The following CHFR variants were observed in gnomAD, a reference collection of about 807,000 sequenced individuals.
CHFR encodes E3 ubiquitin-protein ligase CHFR.
In CHFR, 57 loss-of-function variants were observed where a neutral mutation model predicts 87.6. The ratio of observed to expected loss-of-function variants is 0.65; its 90% CI spans 0.53 to 0.81. The LOEUF (loss-of-function observed/expected upper bound fraction) is 0.81, where lower values mean the gene tolerates loss of function less well. Among genes scored for constraint, CHFR ranks in the 30% least tolerant of loss-of-function variants. The probability of loss-of-function intolerance (pLI) is 0.00; values close to 1 mark genes in which losing one functional copy is unlikely to be tolerated. For missense variants in CHFR, 797 were observed against 865.8 expected, an observed-to-expected ratio of 0.92 and a Z score of 1.00; for synonymous variants, 381 against 359.2, an observed-to-expected ratio of 1.06 and a Z score of -0.69.
intron 2 of CHFR, 29 bp downstream of exon 2, chr12:132,887,167 G>T: frequency 6.9e-7 from 1 of 1,454,246 alleles, no homozygotes; most frequent in South Asian, 1.3e-5. Flanking sequence ...GCCCGGCCCC[G>T]GCCCCCGGCC....
Position 132,834,764 on chromosome 12 carries a change from G to C in CHFR, c.*6790C>G, listed in dbSNP as rs531654166. 6.6e-6 allele frequency: 1 copy of C among 150,980 alleles called. No homozygotes were observed. The highest frequency in any genetic ancestry group is 6.6e-5 in the Admixed American group (1 of 15,184). 9.4% of individuals were successfully genotyped at this position (150,980 alleles called of 1,614,324 possible). A position where few individuals can be genotyped will look rare whatever the true frequency, so the allele number is the denominator to read the frequency against. Reference sequence around the variant, plus strand: ...AGAGTCTCGCTCTGTCGCCCAGGCGGGAGTGCAGTGGTGCGATCTCGGTTC... The same window carrying C: ...AGAGTCTCGCTCTGTCGCCCAGGCGCGAGTGCAGTGGTGCGATCTCGGTTC... On this transcript the variant is annotated 3_prime_UTR_variant, in exon 18 of 18. Transcript: ENST00000450056.
rs993139881 is a variant in CHFR, at chr12:132,834,575, G to T, written c.*6979C>A. 1 of 152,266 alleles carries T rather than the reference G, an allele frequency of 6.6e-6. No homozygotes were observed. The highest frequency in any genetic ancestry group is 1.5e-5 in the Non-Finnish European group (1 of 68,108). 9.4% of individuals were successfully genotyped at this position (152,266 alleles called of 1,614,324 possible). A position where few individuals can be genotyped will look rare whatever the true frequency, so the allele number is the denominator to read the frequency against. The stretch of plus-strand genomic sequence containing the variant: ...TGGTTCCTTCTGGTGGCCCTGCAGG[G>T]AGATCTGTTTTCTTTTCTGCTTCGA... On this transcript the variant is annotated 3_prime_UTR_variant, in exon 18 of 18. Transcript: ENST00000450056.
intron 3 of CHFR, among the ~76,000 whole-genome samples, chr12:132,874,759 T>C (rs1238103034): frequency 1.5e-4 from 21 of 136,642 alleles, no homozygotes; most frequent in African/African-American, 2.8e-4. Flanking sequence ...AGCCAGGCCC[T>C]GGAACAGGCG....
chr12:132,852,069 C>T (rs529991788), intron 11 of CHFR, among the ~76,000 whole-genome samples: 3 of 151,966 alleles, frequency 2.0e-5, no homozygotes, highest in Admixed American at 1.3e-4. Flanking sequence ...CTGCAAGCTC[C>T]GCCTCCCGGG....
intron 12 of CHFR, chr12:132,849,490 C>G (rs1466925361): frequency 6.6e-6 from 1 of 152,270 alleles, no homozygotes; most frequent in Non-Finnish European, 1.5e-5. Context: ...GTGAGAGACA[C>G]AAAAGAAAGA....
intron 2 of CHFR, among the ~76,000 whole-genome samples, chr12:132,879,129 T>A (rs1951707567): frequency 2.0e-5 from 3 of 149,888 alleles, no homozygotes; most frequent in African/African-American, 7.4e-5. Context: ...CTCAGCCTCC[T>A]GAGCAGCTGG....
chr12:132,853,384 C>A (rs865808693), intron 11 of CHFR, 47 bp downstream of exon 11: 2 of 1,451,016 alleles, frequency 1.4e-6, no homozygotes, highest in African/African-American at 1.5e-5. Flanking sequence ...GGCACAGCCA[C>A]AAAGTGACTC....
At position 132,878,448 on chromosome 12, in the gene CHFR, G is replaced by A. The variant is rs555446789; in HGVS notation, c.134-794C>T. The stretch of plus-strand genomic sequence containing the variant: ...CGCGCCACTGCACTCCAGCCTTGGC[G>A]ACAGAGCTAGACTCCAACTGGAAAT... On this transcript the variant is annotated intron_variant, in intron 2 of 17. Transcript: ENST00000450056. 5.3e-5 allele frequency among the ~76,000 whole-genome samples: 8 copies of A among 150,576 alleles called. No individual in the cohort carries two copies. In the South Asian group the frequency reaches 1.3e-3, roughly 24 times the overall value.
At chr12:132,878,752 G>A (rs1472609041) in intron 2 of CHFR, among the ~76,000 whole-genome samples, 2 of 146,140 alleles carry the variant, frequency 1.4e-5, no homozygotes, top group African/African-American at 5.0e-5. Context: ...CCCGGGAGGA[G>A]GAGCTTGCAG....
intron 3 of CHFR, among the ~76,000 whole-genome samples, chr12:132,875,813 T>A (rs1566201771): frequency 1.3e-5 from 2 of 152,062 alleles, no homozygotes; most frequent in African/African-American, 4.8e-5. Context: ...GAAACTATCC[T>A]AAGATAATGA....
intron 6 of CHFR, among the ~76,000 whole-genome samples, chr12:132,862,979 C>T (rs1020277626): frequency 6.6e-6 from 1 of 151,250 alleles, no homozygotes; most frequent in Non-Finnish European, 1.5e-5. Flanking sequence ...TCACTGCAAG[C>T]TCTGCCTCCC....
At position 132,873,957 on chromosome 12, in the gene CHFR, C is replaced by T. The variant is rs571318680; in HGVS notation, c.234-1563G>A. 7.9e-5 allele frequency among the ~76,000 whole-genome samples: 12 copies of T among 152,356 alleles called. No homozygotes were observed. In the South Asian group the frequency reaches 2.5e-3, roughly 32 times the overall value. On this transcript the variant is annotated intron_variant, in intron 3 of 17. Coordinates refer to ENST00000450056, the MANE Select transcript of CHFR (RefSeq NM_001161346.2). ...CCGCTCACCACACGCTCCGACCACA[C>T]AGCCCTGCTTATGCTCAGGGGCCCC...
At position 132,887,276 on chromosome 12, in the gene CHFR, C is replaced by T; in HGVS notation, c.53G>A (p.Arg18Gln). The T allele has an allele frequency of 6.7e-7, 1 of 1,497,280 alleles. No homozygotes were observed. The highest frequency in any genetic ancestry group is 8.8e-7 in the Non-Finnish European group (1 of 1,130,524). The allele number at this position is 1,497,280 out of a possible 1,614,324, so 92.7% of individuals were successfully genotyped here. Residue 18 changes from arginine to glutamine, a missense_variant, in exon 2 of 18, where the codon CGG (arginine) becomes CAG (glutamine). Physicochemically the swap from Arg to Gln is conservative, Grantham distance 43 (BLOSUM62 1). Coordinates refer to ENST00000450056, the MANE Select transcript of CHFR (RefSeq NM_001161346.2). ...CTCCTCCGCGCCCAGACGCAGGAGC[C>T]GTCCCCAGGGCTGCGGCGGCGGCGA... ...KQSPPPQPWGRLLRLGAEEGE... is the reference protein window; with the variant it reads ...KQSPPPQPWGQLLRLGAEEGE...
chr12:132,870,647 G>A (rs982798174), intron 5 of CHFR, 77 bp downstream of exon 5: 23 of 1,040,304 alleles, frequency 2.2e-5, no homozygotes, highest in African/African-American at 1.4e-4. Flanking sequence ...GTAACAGAGC[G>A]AGACTCCATC....
intron 12 of CHFR, among the ~76,000 whole-genome samples, chr12:132,850,496 G>A (rs144096020): frequency 0.025 from 3,745 of 152,190 alleles, 59 homozygotes; most frequent in East Asian, 0.043. Flanking sequence ...GCCCTCCCAC[G>A]TGCAGCATCA....
intron 17 of CHFR, 126 bp downstream of exon 17, chr12:132,842,885 G>A: frequency 1.3e-6 from 1 of 755,276 alleles, no homozygotes; most frequent in South Asian, 1.5e-5. Flanking sequence ...ATTTCTAAAT[G>A]AAGATACCGG....
chr12:132,878,548 A>G (rs1280458100), intron 2 of CHFR, among the ~76,000 whole-genome samples: 1 of 152,014 alleles, frequency 6.6e-6, no homozygotes, highest in African/African-American at 2.4e-5. Flanking sequence ...GAACTTTAAA[A>G]AAACTCAGGG....
intron 6 of CHFR, 80 bp downstream of exon 6, chr12:132,869,539 G>T: frequency 7.5e-7 from 1 of 1,329,964 alleles, no homozygotes; most frequent in Non-Finnish European, 1.0e-6. Context: ...TCGCTTATCT[G>T]CCTCTGTAAC....
intron 5 of CHFR, among the ~76,000 whole-genome samples, chr12:132,870,122 G>A (rs1171569972): frequency 6.6e-6 from 1 of 152,090 alleles, no homozygotes; most frequent in Non-Finnish European, 1.5e-5. Context: ...GGAGGCTGAG[G>A]CGGGTAGATC....
Sources: gnomAD v4.1 joint callset for allele counts (sites outside exome capture counted in the v4.1 genomes callset) on GRCh38, gnomAD v4.1.1 for gene constraint, MANE v1.5 for transcripts, NCBI Gene and HGNC (gene_info 2026-07-23, HGNC 2026-07-21) for gene names.